CA5A: variants seen among roughly 807,000 people sequenced by gnomAD.
The protein encoded by CA5A is carbonic anhydrase 5A, mitochondrial.
A neutral mutation model predicts 37.1 loss-of-function variants in CA5A; 28 were observed. The ratio of observed to expected loss-of-function variants is 0.75; its 90% confidence interval spans 0.56 to 1.03. The LOEUF is 1.03. CA5A is among the 50% of genes least tolerant of loss of function. The pLI, the probability that CA5A is intolerant of heterozygous loss-of-function variation, is 0.00. For missense variants in CA5A, 444 were observed against 399.9 expected, an observed-to-expected ratio of 1.11 and a Z score of -0.94; for synonymous variants, 171 against 158.4, an observed-to-expected ratio of 1.08 and a Z score of -0.60.
At chr16:87,898,155 C>T (rs1035716001) in intron 5 of CA5A, among the ~76,000 whole-genome samples, 2 of 152,308 alleles carry the variant, frequency 1.3e-5, no homozygotes, top group Middle Eastern at 3.4e-3. Flanking sequence ...CAGCAGGGCC[C>T]GGACCAGCCT....
At chr16:87,888,614 T>A (rs2055671273) in intron 6 of CA5A, among the ~76,000 whole-genome samples, 1 of 152,186 alleles carries the variant, frequency 6.6e-6, no homozygotes, top group South Asian at 2.1e-4. Context: ...AACCTTGGAA[T>A]GAATCCTCTA....
intron 6 of CA5A, among the ~76,000 whole-genome samples, chr16:87,888,561 C>T (rs796293173): frequency 3.3e-5 from 5 of 152,206 alleles, no homozygotes; most frequent in African/African-American, 1.2e-4. Flanking sequence ...CTGAGGCTCC[C>T]AGCGAACTGC....
In CA5A at chr16:87,930,220, T is replaced by C. The variant is rs573858942; in HGVS notation, c.143-3275A>G. On this transcript the variant is annotated intron_variant, in intron 1 of 6. Transcript: ENST00000649794. ...CGTGCTCCGACAGCATCTGGCACTATGAATGTTTGTTGAATGAATAATCCC... is the reference window on the plus strand; with the variant it reads ...CGTGCTCCGACAGCATCTGGCACTACGAATGTTTGTTGAATGAATAATCCC... 2.6e-5 allele frequency among the ~76,000 whole-genome samples: 4 copies of C among 152,276 alleles called. No homozygotes were observed. In the East Asian group the frequency reaches 5.8e-4, roughly 22 times the overall value.
intron 2 of CA5A, among the ~76,000 whole-genome samples, chr16:87,905,450 C>G (rs549159120): frequency 6.6e-6 from 1 of 152,264 alleles, no homozygotes; most frequent in East Asian, 1.9e-4. Flanking sequence ...ACCTCCACCT[C>G]TGGGTTCTAG....
intron 2 of CA5A, among the ~76,000 whole-genome samples, chr16:87,912,039 T>C (rs2056059428): frequency 6.6e-6 from 1 of 152,178 alleles, no homozygotes; most frequent in Admixed American, 6.5e-5. Context: ...CGGTGGCTCA[T>C]ACCTGTAATC....
intron 5 of CA5A, among the ~76,000 whole-genome samples, chr16:87,894,461 G>A (rs1325578168): frequency 6.6e-6 from 1 of 152,120 alleles, no homozygotes; most frequent in African/African-American, 2.4e-5. Flanking sequence ...GTGAGGGTCA[G>A]GGTCAAGAGA....
chr16:87,901,592 C>CTTTTCTT (rs56688337), intron 5 of CA5A, among the ~76,000 whole-genome samples: 100 of 145,730 alleles, frequency 6.9e-4, no homozygotes, highest in African/African-American at 2.3e-3. Flanking sequence ...CTTTTCTTTT[C>CTTTTCTT]TTTTTTTTTT....
chr16:87,935,944 A>G (rs1237008707), intron 1 of CA5A, among the ~76,000 whole-genome samples: 3 of 152,114 alleles, frequency 2.0e-5, no homozygotes, highest in South Asian at 4.2e-4. Context: ...AGGCTGAGAC[A>G]GGCGGATCGC....
chr16:87,933,399 C>T (rs1352904083), intron 1 of CA5A, among the ~76,000 whole-genome samples: 1 of 152,188 alleles, frequency 6.6e-6, no homozygotes, highest in Non-Finnish European at 1.5e-5. Flanking sequence ...TTTTCTTAGA[C>T]AGGGTCCTGC....
At chr16:87,905,044 G>A (rs551754642) in intron 2 of CA5A, 140 bp from the exon 3 acceptor site, 1 of 692,722 alleles carries the variant, frequency 1.4e-6, no homozygotes, top group African/African-American at 1.8e-5. Flanking sequence ...CAAGCCAAAG[G>A]TGGGCTCCGT....
chr16:87,891,882 C>T lies in CA5A; in HGVS notation c.691G>A (p.Ala231Thr), dbSNP rs527239700. The T allele has an allele frequency of 5.1e-6, 8 of 1,574,276 alleles. No individual in the cohort carries two copies. Among genetic ancestry groups the T allele is most frequent in the Middle Eastern group, 1.8e-4 (1 of 5,656 alleles). The change falls in exon 6 of 7, where the codon GCG becomes ACG. Residue 231 changes from alanine to threonine, a missense_variant. By Grantham distance (58) the Ala-to-Thr change is moderately conservative. Transcript: ENST00000649794. ...AGCGGCGGGGTGGTGAGCGAGCCCG[C>T]GTAGGTCCAGTAATCCCAGCAGGTG... ...LPTCWDYWTY[A>T]GSLTTPPLTE...
intron 3 of CA5A, among the ~76,000 whole-genome samples, chr16:87,904,199 G>C (rs2055923260): frequency 6.6e-6 from 1 of 151,980 alleles, no homozygotes; most frequent in African/African-American, 2.4e-5. Flanking sequence ...AAAATTAGCA[G>C]GGCCTGGTGG....
intron 2 of CA5A, among the ~76,000 whole-genome samples, chr16:87,919,905 C>T (rs189217311): frequency 3.3e-5 from 5 of 152,258 alleles, no homozygotes; most frequent in South Asian, 2.1e-4. Context: ...TGAACTCGGC[C>T]GTGCAGGAGT....
At chr16:87,929,893 AAAAT>A (rs1337129480) in intron 1 of CA5A, among the ~76,000 whole-genome samples, 2 of 151,590 alleles carry the variant, frequency 1.3e-5, no homozygotes, top group African/African-American at 4.8e-5. Context: ...AAAAAAAAAA[AAAAT>A]AAGTAAACCA....
chr16:87,891,518 G>A (rs1487349326), intron 6 of CA5A, among the ~76,000 whole-genome samples: 1 of 151,842 alleles, frequency 6.6e-6, no homozygotes, highest in Non-Finnish European at 1.5e-5. Context: ...AAACCATGCA[G>A]ACCCATGACC....
At position 87,929,871 on chromosome 16, in the gene CA5A, C is replaced by CAAAAAAAAAAAA. The variant is rs58941982; in HGVS notation, c.143-2938_143-2927dup. On this transcript the variant is annotated intron_variant, in intron 1 of 6. Transcript: ENST00000649794. ...TGGGCAATACAGCGAGACTCCGTCT[C>CAAAAAAAAAAAA]AAAAAAAAAAAAAAAAAAAAAAAAA... Among the ~76,000 whole-genome samples the CAAAAAAAAAAAA allele has an allele frequency of 3.2e-5, 2 of 62,342 alleles. 1 individual carries two copies. The highest frequency in any genetic ancestry group is 5.4e-5 in the Non-Finnish European group (2 of 37,168). 40.9% of individuals were successfully genotyped at this position (62,342 alleles called of 152,430 possible). A position where few individuals can be genotyped will look rare whatever the true frequency, so the allele number is the denominator to read the frequency against.
chr16:87,910,551 G>C (rs1257836108), intron 2 of CA5A, among the ~76,000 whole-genome samples: 3 of 152,064 alleles, frequency 2.0e-5, no homozygotes, highest in South Asian at 2.1e-4. Flanking sequence ...CCAATTTAAG[G>C]CTGCAGACCT....
chr16:87,931,595 T>C (rs1208637634), intron 1 of CA5A, among the ~76,000 whole-genome samples: 1 of 152,214 alleles, frequency 6.6e-6, no homozygotes, highest in East Asian at 1.9e-4. Context: ...ACAGCAGCTT[T>C]GCTGAGAAGA....
intron 2 of CA5A, among the ~76,000 whole-genome samples, chr16:87,917,994 A>G (rs1055833981): frequency 5.9e-5 from 9 of 152,124 alleles, no homozygotes; most frequent in African/African-American, 2.2e-4. Flanking sequence ...CCCAGTCCCG[A>G]CACTGCCAGG....
Sources: allele counts gnomAD v4.1 joint callset (sites outside exome capture counted in the v4.1 genomes callset), GRCh38; gene constraint gnomAD v4.1.1; transcripts MANE v1.5; gene names NCBI Gene and HGNC (gene_info 2026-07-23, HGNC 2026-07-21).